Variants in TRMT9B observed in about 807,000 individuals in gnomAD.
TRMT9B encodes the protein tRNA methyltransferase 9B (putative).
Under a neutral mutation model 11.5 loss-of-function variants are expected in TRMT9B, and 16 were observed. That is an observed-to-expected ratio of 1.39 (90% CI 0.94 to 2.11). The LOEUF (loss-of-function observed/expected upper bound fraction) is 2.11, where lower values mean the gene tolerates loss of function less well. TRMT9B is among the 30% of genes most tolerant of loss of function. TRMT9B has a pLI of 0.00. For missense variants in TRMT9B, 941 were observed against 553.8 expected, an observed-to-expected ratio of 1.70 and a Z score of -7.02; for synonymous variants, 274 against 192.4, an observed-to-expected ratio of 1.42 and a Z score of -3.51.
At chr8:12,952,251 C>A (rs1259430044) in intron 1 of TRMT9B, 23 of 432,678 alleles carry the variant, frequency 5.3e-5, no homozygotes, top group Admixed American at 5.2e-4. Context: ...AGAGAAGCTT[C>A]TGTTGCGCCC....
At chr8:12,962,384 A>G (rs1001448346) in intron 1 of TRMT9B, among the ~76,000 whole-genome samples, 1 of 152,232 alleles carries the variant, frequency 6.6e-6, no homozygotes, top group Non-Finnish European at 1.5e-5. Flanking sequence ...TAGTTTGTCT[A>G]CTTGTTAAAA....
chr8:12,975,539 C>T (rs1379691167), intron 1 of TRMT9B, among the ~76,000 whole-genome samples: 1 of 152,050 alleles, frequency 6.6e-6, no homozygotes. Context: ...GAGTTCGAGA[C>T]CAGCCTGGCC....
chr8:13,027,038 T>C lies in TRMT9B; in HGVS notation c.*4994T>C, dbSNP rs1471318594. The C allele has an allele frequency of 6.0e-6, 1 of 167,118 alleles. No homozygotes were observed. Among genetic ancestry groups the C allele is most frequent in the African/African-American group, 2.4e-5 (1 of 41,468 alleles). The allele number at this position is 167,118 out of a possible 1,614,324, so 10.4% of individuals were successfully genotyped here. ...GCAAAATATTCTGGGACCACTTTTC[T>C]CCAACTCTTCAACCTTTCAACAATT... On this transcript the variant is annotated 3_prime_UTR_variant, in exon 5 of 5. Transcript: ENST00000524591.
Position 13,006,337 on chromosome 8 carries a change from C to A in TRMT9B, c.135C>A (p.Gly45=). 4 of 1,600,930 alleles carry A rather than the reference C, an allele frequency of 2.5e-6. No individual in the cohort carries two copies. The highest frequency in any genetic ancestry group is 3.4e-6 in the Non-Finnish European group (4 of 1,174,100). Residue 45 remains glycine (G), a synonymous_variant, in exon 3 of 5, where the codon GGC becomes GGA. Coordinates refer to ENST00000524591, the MANE Select transcript of TRMT9B (RefSeq NM_020844.3). ...VRQFLQEQKP[G]SLIADIGCGT... is the part of the protein sequence containing the mutation. ...AGTTCCTGCAAGAGCAGAAGCCAGG[C>A]AGCCTCATCGCTGACATAGGTAACC...
intron 1 of TRMT9B, chr8:12,952,360 T>G (rs538047532): frequency 1.2e-5 from 4 of 323,400 alleles, no homozygotes; most frequent in African/African-American, 8.9e-5. Flanking sequence ...GCCGCCTGGG[T>G]GAGTTCCTGC....
At chr8:12,978,778 A>C (rs1192752371) in intron 1 of TRMT9B, among the ~76,000 whole-genome samples, 1 of 152,214 alleles carries the variant, frequency 6.6e-6, no homozygotes, top group East Asian at 1.9e-4. Context: ...ACAGATGAGC[A>C]AGCTCCTAGA....
intron 1 of TRMT9B, among the ~76,000 whole-genome samples, chr8:12,988,052 G>C (rs955005611): frequency 6.6e-6 from 1 of 152,346 alleles, no homozygotes; most frequent in Middle Eastern, 3.4e-3. Context: ...TTCTGTGCGT[G>C]TGTTGCTGTT....
chr8:12,961,553 T>G (rs1802109238), intron 1 of TRMT9B, among the ~76,000 whole-genome samples: 2 of 151,392 alleles, frequency 1.3e-5, no homozygotes, highest in South Asian at 4.2e-4. Flanking sequence ...CACAAAAAAT[T>G]AGCTGGGCGT....
chr8:13,006,791 C>G (rs1028614508), intron 3 of TRMT9B: 2 of 456,468 alleles, frequency 4.4e-6, no homozygotes, highest in African/African-American at 4.0e-5. Context: ...GCCTCAGACT[C>G]CCAAATAGCT....
intron 1 of TRMT9B, among the ~76,000 whole-genome samples, chr8:12,965,675 T>C (rs1176417309): frequency 1.3e-5 from 2 of 151,830 alleles, no homozygotes; most frequent in South Asian, 2.1e-4. Context: ...TGGAGGAGCT[T>C]GTGGAGACAG....
At position 13,023,737 on chromosome 8, in the gene TRMT9B, A is replaced by G. The variant is rs1299968739; in HGVS notation, c.*1693A>G. 1.2e-5 allele frequency: 2 copies of G among 166,878 alleles called. No homozygotes were observed. The highest frequency in any genetic ancestry group is 2.9e-5 in the Non-Finnish European group (2 of 68,128). The allele number at this position is 166,878 out of a possible 1,614,324, so 10.3% of individuals were successfully genotyped here. A position where few individuals can be genotyped will look rare whatever the true frequency, so the allele number is the denominator to read the frequency against. On this transcript the variant is annotated 3_prime_UTR_variant, in exon 5 of 5. Coordinates refer to ENST00000524591, the MANE Select transcript of TRMT9B (RefSeq NM_020844.3). ...TCCACTAAAAGTGACTAAAATAATA[A>G]CGAATTTCATTTGTTCTTGGGTTCT...
intron 2 of TRMT9B, among the ~76,000 whole-genome samples, chr8:12,995,429 A>G (rs1220291786): frequency 2.0e-5 from 3 of 152,314 alleles, no homozygotes; most frequent in East Asian, 1.9e-4. Flanking sequence ...TTCTTTATAC[A>G]TATTAAGTCA....
intron 1 of TRMT9B, among the ~76,000 whole-genome samples, chr8:12,974,417 G>C (rs1192998578): frequency 6.6e-6 from 1 of 152,186 alleles, no homozygotes; most frequent in Non-Finnish European, 1.5e-5. Context: ...TTTCAGAAGT[G>C]AGAACGTTTT....
chr8:12,976,720 C>G (rs1333147493), intron 1 of TRMT9B, among the ~76,000 whole-genome samples: 1 of 152,168 alleles, frequency 6.6e-6, no homozygotes, highest in Non-Finnish European at 1.5e-5. Context: ...AGAAAACTAA[C>G]CAGGGATGGC....
At chr8:12,948,151 C>G (rs542649717) in intron 1 of TRMT9B, among the ~76,000 whole-genome samples, 1 of 152,242 alleles carries the variant, frequency 6.6e-6, no homozygotes, top group South Asian at 2.1e-4. Context: ...AACATGATAG[C>G]TTGGTTTAGC....
intron 2 of TRMT9B, among the ~76,000 whole-genome samples, chr8:13,003,185 A>C (rs1055890134): frequency 2.0e-5 from 3 of 152,188 alleles, no homozygotes; most frequent in African/African-American, 4.8e-5. Context: ...TGATCCCTGT[A>C]GAGGTATGCA....
intron 1 of TRMT9B, among the ~76,000 whole-genome samples, chr8:12,984,987 A>T (rs112126252): frequency 0.094 from 12,047 of 128,830 alleles, 605 homozygotes; most frequent in African/African-American, 0.17. Flanking sequence ...ACACACACAC[A>T]CTCTCTCTCT....
At chr8:13,017,529 A>C (rs1812948633) in intron 4 of TRMT9B, among the ~76,000 whole-genome samples, 1 of 152,170 alleles carries the variant, frequency 6.6e-6, no homozygotes, top group African/African-American at 2.4e-5. Flanking sequence ...CCCATTTTAG[A>C]TACATTTACA....
rs117668125 is a variant in TRMT9B, at chr8:12,997,619, A to T, written c.-2+6588A>T. 2.9e-3 allele frequency among the ~76,000 whole-genome samples: 446 copies of T among 152,164 alleles called. 2 individuals are homozygous for T. Among genetic ancestry groups the T allele is most frequent in the Middle Eastern group, 6.8e-3 (2 of 294 alleles). ...GCATTTCATTCTATGAATATACCAC[A>T]ATTTATTTGATCATTTTACTGATGA... On this transcript the variant is annotated intron_variant, in intron 2 of 4. Transcript: ENST00000524591.
Sources: allele counts gnomAD v4.1 joint callset (sites outside exome capture counted in the v4.1 genomes callset), GRCh38; gene constraint gnomAD v4.1.1; transcripts MANE v1.5; gene names NCBI Gene and HGNC (gene_info 2026-07-23, HGNC 2026-07-21).